KCNJ15: variants seen among roughly 807,000 people sequenced by gnomAD.
KCNJ15 encodes the protein potassium inwardly rectifying channel subfamily J member 15, also known as ATP-sensitive inward rectifier potassium channel 15.
Under a neutral mutation model 23.0 loss-of-function variants are expected in KCNJ15, and 14 were observed. The ratio of observed to expected loss-of-function variants is 0.61; its 90% CI spans 0.40 to 0.95. The LOEUF (loss-of-function observed/expected upper bound fraction) is 0.95, where lower values mean the gene tolerates loss of function less well. Ranked by LOEUF, KCNJ15 falls within the 40% of genes least tolerant of loss-of-function variation. The pLI is 0.00. For missense variants in KCNJ15, 388 were observed against 461.8 expected, an observed-to-expected ratio of 0.84 and a Z score of 1.46; for synonymous variants, 185 against 183.2, an observed-to-expected ratio of 1.01 and a Z score of -0.08.
At chr21:38,284,375 C>G (rs8132550) in intron 1 of KCNJ15, among the ~76,000 whole-genome samples, 16 of 152,198 alleles carry the variant, frequency 1.1e-4, no homozygotes, top group Admixed American at 1.3e-4. Context: ...TCGGTGAGAC[C>G]TCCTCTTCTC....
At chr21:38,283,211 A>G (rs149973369) in intron 1 of KCNJ15, among the ~76,000 whole-genome samples, 3 of 152,360 alleles carry the variant, frequency 2.0e-5, no homozygotes, top group Non-Finnish European at 2.9e-5. Flanking sequence ...TTTGTGTAAT[A>G]TAATACAGAA....
chr21:38,254,552 T>A (rs2211864), upstream of KCNJ15, among the ~76,000 whole-genome samples: 49,955 of 152,196 alleles, frequency 0.33, 10,462 homozygotes, highest in Non-Finnish European at 0.49. Context: ...AAACTGTGGT[T>A]AAAATTCATG....
intron 1 of KCNJ15, among the ~76,000 whole-genome samples, chr21:38,235,746 A>C (rs911384617): frequency 4.6e-5 from 7 of 152,174 alleles, no homozygotes; most frequent in Admixed American, 4.6e-4. Context: ...TGAATGTTTC[A>C]AATTTTGTCT....
intron 1 of KCNJ15, among the ~76,000 whole-genome samples, chr21:38,264,382 A>T (rs1192841264): frequency 6.6e-6 from 1 of 152,208 alleles, no homozygotes; most frequent in East Asian, 1.9e-4. Context: ...TTCCCTCCCC[A>T]TTCCCGGAGA....
chr21:38,252,057 A>G (rs1232849811), upstream of KCNJ15, among the ~76,000 whole-genome samples: 1 of 152,192 alleles, frequency 6.6e-6, no homozygotes, highest in African/African-American at 2.4e-5. Flanking sequence ...AAGCTAAAGG[A>G]CAAGGGGAGA....
At position 38,299,141 on chromosome 21, in the gene KCNJ15, G is replaced by C; in HGVS notation, c.-18-103G>C. 1.1e-6 allele frequency: 1 copy of C among 900,078 alleles called. No individual in the cohort carries two copies. Among genetic ancestry groups the C allele is most frequent in the South Asian group, 1.7e-5 (1 of 60,164 alleles). The allele number at this position is 900,078 out of a possible 1,614,324, so 55.8% of individuals were successfully genotyped here. A position where few individuals can be genotyped will look rare whatever the true frequency, so the allele number is the denominator to read the frequency against. On this transcript the variant is annotated intron_variant, in intron 2 of 2. Transcript: ENST00000398938. The surrounding 1 kb of genome is among the most constrained non-coding windows in gnomAD (Gnocchi z 4.5). ...CTTGCCTTCAGAATTCTCCTTTCTT[G>C]TGTACTTCCATGTACATTCATACTT... is the stretch of plus-strand genomic sequence containing the variant.
At chr21:38,294,049 G>A (rs1013611115) in intron 1 of KCNJ15, among the ~76,000 whole-genome samples, 6 of 152,248 alleles carry the variant, frequency 3.9e-5, no homozygotes, top group African/African-American at 1.4e-4. Flanking sequence ...GCCCAGGGAG[G>A]AGAGCTAAGC....
chr21:38,297,548 G>C (rs1028761169), intron 2 of KCNJ15, among the ~76,000 whole-genome samples: 1 of 152,004 alleles, frequency 6.6e-6, no homozygotes, highest in Non-Finnish European at 1.5e-5. Context: ...TGTCTCTGCT[G>C]GTGCTCATGT....
At chr21:38,255,931 C>A (rs1980188005), upstream of KCNJ15, among the ~76,000 whole-genome samples, 1 of 152,208 alleles carries the variant, frequency 6.6e-6, no homozygotes, top group South Asian at 2.1e-4. Context: ...GTGGGTATAT[C>A]ATCGTCTCCC....
chr21:38,233,000 TC>T (rs997558008), intron 1 of KCNJ15, among the ~76,000 whole-genome samples: 5 of 152,018 alleles, frequency 3.3e-5, no homozygotes, highest in Non-Finnish European at 1.5e-5. Flanking sequence ...TAATTATATA[TC>T]CTTTATAACC....
chr21:38,254,221 GA>G (rs906169856), upstream of KCNJ15, among the ~76,000 whole-genome samples: 9 of 152,188 alleles, frequency 5.9e-5, no homozygotes, highest in Admixed American at 5.9e-4. Context: ...CTCTATGACA[GA>G]AGTCACATAG....
At chr21:38,271,817 T>C (rs757044705) in intron 1 of KCNJ15, among the ~76,000 whole-genome samples, 40 of 152,172 alleles carry the variant, frequency 2.6e-4, no homozygotes, top group Non-Finnish European at 4.4e-4. Flanking sequence ...AAAACGCCCA[T>C]AGAAATTCAC....
intron 1 of KCNJ15, among the ~76,000 whole-genome samples, chr21:38,260,887 A>G (rs1257536699): frequency 1.3e-5 from 2 of 152,130 alleles, no homozygotes; most frequent in Non-Finnish European, 2.9e-5. Flanking sequence ...AGGGATCCGC[A>G]TAGAACCAGC....
intron 1 of KCNJ15, chr21:38,291,687 A>T (rs1471991348): frequency 6.6e-6 from 1 of 152,166 alleles, no homozygotes; most frequent in Admixed American, 6.5e-5. Context: ...ATATCTGGGA[A>T]ATTATCAGAA....
chr21:38,271,904 T>C (rs1460516203), intron 1 of KCNJ15, among the ~76,000 whole-genome samples: 2 of 152,186 alleles, frequency 1.3e-5, no homozygotes, highest in Admixed American at 1.3e-4. Flanking sequence ...CCCATTTGTT[T>C]ATAATAATTT....
chr21:38,294,872 T>C (rs1223922421), intron 1 of KCNJ15, among the ~76,000 whole-genome samples: 2 of 152,212 alleles, frequency 1.3e-5, no homozygotes, highest in East Asian at 3.8e-4. Context: ...TAGGAGAAAG[T>C]AATACTGACC....
chr21:38,269,525 A>T (rs1981860663), intron 1 of KCNJ15, among the ~76,000 whole-genome samples: 1 of 152,242 alleles, frequency 6.6e-6, no homozygotes, highest in Non-Finnish European at 1.5e-5. Flanking sequence ...ACATTAAAAA[A>T]GTAACTATCT....
At chr21:38,255,891 G>C (rs1034538402), upstream of KCNJ15, among the ~76,000 whole-genome samples, 1 of 152,120 alleles carries the variant, frequency 6.6e-6, no homozygotes, top group African/African-American at 2.4e-5. Flanking sequence ...CCGTGGTCTG[G>C]CCCCACCGAC....
At chr21:38,279,161 G>C (rs975496349) in intron 1 of KCNJ15, among the ~76,000 whole-genome samples, 6 of 151,622 alleles carry the variant, frequency 4.0e-5, no homozygotes, top group Non-Finnish European at 8.8e-5. Flanking sequence ...ATTTTTCAGT[G>C]CCTGAGGGTC....
Sources: gnomAD v4.1 joint callset for allele counts (sites outside exome capture counted in the v4.1 genomes callset) on GRCh38, gnomAD v4.1.1 for gene constraint, Gnocchi (gnomAD v3.1) non-coding constraint, MANE v1.5 for transcripts, NCBI Gene and HGNC (gene_info 2026-07-23, HGNC 2026-07-21) for gene names.